Variants in LPL observed in about 807,000 individuals in gnomAD.
The protein encoded by LPL is lipoprotein lipase, also known as phospholipase A1.
LPL carries 43 observed loss-of-function variants against 52.2 expected under a neutral mutation model. The observed-to-expected ratio is 0.82, with a 90% CI of 0.64 to 1.06. The LOEUF is 1.06. Among genes scored for constraint, LPL ranks in the 50% least tolerant of loss-of-function variants. The pLI is 0.00. For synonymous variants in LPL, 244 were observed against 215.6 expected (o/e 1.13, Z -1.15); for missense variants, 639 against 585.3 (o/e 1.09, Z -0.95).
chr8:19,958,378 C>A (rs1461253900), intron 6 of LPL, among the ~76,000 whole-genome samples: 1 of 152,042 alleles, frequency 6.6e-6, no homozygotes, highest in East Asian at 1.9e-4. Context: ...TGCTGCCTTT[C>A]CTTTTAACCT....
intron 7 of LPL, among the ~76,000 whole-genome samples, chr8:19,960,170 T>A (rs1026591639): frequency 6.6e-6 from 1 of 152,156 alleles, no homozygotes; most frequent in African/African-American, 2.4e-5. Flanking sequence ...TCTTTAAAAA[T>A]AGCCAGTGCA....
intron 7 of LPL, among the ~76,000 whole-genome samples, chr8:19,959,635 TG>T (rs1436208809): frequency 6.6e-6 from 1 of 152,132 alleles, no homozygotes; most frequent in African/African-American, 2.4e-5. Context: ...ATAAAGCTGC[TG>T]TTAAACAATA....
intron 9 of LPL, among the ~76,000 whole-genome samples, chr8:19,965,107 A>C (rs561113239): frequency 6.6e-6 from 1 of 152,288 alleles, no homozygotes; most frequent in Non-Finnish European, 1.5e-5. Flanking sequence ...ACGGGGCTAA[A>C]TAGTTGCTCC....
Position 19,965,721 on chromosome 8 carries a change from TTACTC to T in LPL, c.*414_*418del, listed in dbSNP as rs374509929. ...TTTCGGACTGAGGCCTTCTCAAACT[TTACTC>T]TAAGTCTCCAAGAATACAGAAAATG... is the stretch of plus-strand genomic sequence containing the variant. On this transcript the variant is annotated 3_prime_UTR_variant, in exon 10 of 10. Transcript: ENST00000650287. 232 of 170,072 alleles carry T rather than the reference TTACTC, an allele frequency of 1.4e-3. 2 individuals are homozygous for T. The highest frequency in any genetic ancestry group is 0.011 in the East Asian group (69 of 6,408). 10.5% of individuals were successfully genotyped at this position (170,072 alleles called of 1,614,324 possible).
At position 19,953,317 on chromosome 8, in the gene LPL, T is replaced by C; in HGVS notation, c.437T>C (p.Phe146Ser). Residue 146 changes from phenylalanine (F) to serine (S), a missense_variant, in exon 4 of 10, where the codon TTT becomes TCT. Phe to Ser is a radical substitution (Grantham distance 155). Transcript: ENST00000650287. ...TTTCTTTTTCTTCCAAAGGAGGAGT[T>C]TAACTACCCTCTGGACAATGTCCAT... is the stretch of plus-strand genomic sequence containing the variant. ...ARFINWMEEEFNYPLDNVHLL... is the reference protein window; with the variant it reads ...ARFINWMEEESNYPLDNVHLL... 1 of 1,609,434 alleles carries C rather than the reference T, an allele frequency of 6.2e-7. No individual in the cohort carries two copies. Among genetic ancestry groups the C allele is most frequent in the Non-Finnish European group, 8.5e-7 (1 of 1,175,672 alleles).
chr8:19,941,853 A>C (rs536152808), intron 1 of LPL, among the ~76,000 whole-genome samples: 2 of 152,230 alleles, frequency 1.3e-5, no homozygotes, highest in African/African-American at 4.8e-5. Flanking sequence ...TATGAGGACA[A>C]GAGGCACTGT....
chr8:19,945,948 G>A (rs2069878847), intron 1 of LPL, among the ~76,000 whole-genome samples: 1 of 152,100 alleles, frequency 6.6e-6, no homozygotes, highest in Admixed American at 6.6e-5. Context: ...TGTGGGAGAG[G>A]GTGAAATTAG....
At chr8:19,958,051 G>A (rs573682880) in intron 6 of LPL, among the ~76,000 whole-genome samples, 7 of 148,054 alleles carry the variant, frequency 4.7e-5, no homozygotes, top group East Asian at 2.0e-4. Flanking sequence ...ACACAGTCTC[G>A]CTCAGTTACC....
At chr8:19,961,622 T>A (rs1221777105) in intron 8 of LPL, among the ~76,000 whole-genome samples, 5 of 152,068 alleles carry the variant, frequency 3.3e-5, no homozygotes, top group East Asian at 1.9e-4. Flanking sequence ...ATTGTTAATT[T>A]AAAAAAACTC....
At chr8:19,957,660 T>C (rs2069998698) in intron 6 of LPL, among the ~76,000 whole-genome samples, 1 of 152,206 alleles carries the variant, frequency 6.6e-6, no homozygotes, top group Non-Finnish European at 1.5e-5. Context: ...CTCAATTCAA[T>C]GTCTCTTCAT....
chr8:19,939,727 AGCGGCG>A lies in LPL; in HGVS notation c.88+203_88+208del, dbSNP rs2069814222. 6.6e-6 allele frequency among the ~76,000 whole-genome samples: 1 copy of A among 152,148 alleles called. No homozygotes were observed. Among genetic ancestry groups the A allele is most frequent in the Admixed American group, 6.5e-5 (1 of 15,286 alleles). ...GGAGGGAATCTCCTCCCGATCGTGAAGCGGCGGCGCCCAGTTCCCGCTTTTTCTCTC... is the reference window on the plus strand; with the variant it reads ...GGAGGGAATCTCCTCCCGATCGTGAAGCGCCCAGTTCCCGCTTTTTCTCTC... On this transcript the variant is annotated intron_variant, in intron 1 of 9. Transcript: ENST00000650287. This position sits in a 1 kb window ranked among gnomAD's most constrained non-coding sequence, Gnocchi z 4.0.
intron 2 of LPL, 51 bp from the exon 3 acceptor site, chr8:19,951,718 A>C: frequency 6.2e-7 from 1 of 1,600,476 alleles, no homozygotes; most frequent in South Asian, 1.1e-5. Flanking sequence ...TGATGTATCT[A>C]TGACAAGTGG....
intron 1 of LPL, among the ~76,000 whole-genome samples, chr8:19,941,575 T>G (rs570228365): frequency 2.1e-4 from 32 of 152,214 alleles, no homozygotes; most frequent in African/African-American, 7.2e-4. Flanking sequence ...AACACATGCT[T>G]TTCCTAGCTG....
Position 19,967,069 on chromosome 8 carries a change from G to A in LPL, c.*1759G>A, listed in dbSNP as rs1468821549. 3 of 152,580 alleles carry A rather than the reference G, an allele frequency of 2.0e-5. No individual in the cohort carries two copies. The highest frequency in any genetic ancestry group is 2.9e-5 in the Non-Finnish European group (2 of 68,038). The allele number at this position is 152,580 out of a possible 1,614,324, so 9.5% of individuals were successfully genotyped here. A position where few individuals can be genotyped will look rare whatever the true frequency, so the allele number is the denominator to read the frequency against. On this transcript the variant is annotated 3_prime_UTR_variant, in exon 10 of 10. Coordinates refer to ENST00000650287, the MANE Select transcript of LPL (RefSeq NM_000237.3). ...TGTGTAAATGGAGCTTGTACATATT[G>A]GAAAGGTCATTGTGGCTATCTGCAT...
In LPL at chr8:19,966,049, T is replaced by C. The variant is rs2070086286; in HGVS notation, c.*739T>C. 6.6e-6 allele frequency: 1 copy of C among 152,126 alleles called. No individual in the cohort carries two copies. The highest frequency in any genetic ancestry group is 1.5e-5 in the Non-Finnish European group (1 of 68,030). 9.4% of individuals were successfully genotyped at this position (152,126 alleles called of 1,614,324 possible). A position where few individuals can be genotyped will look rare whatever the true frequency, so the allele number is the denominator to read the frequency against. Reference sequence around the variant, plus strand: ...CTTCTTTTTTGTCTCAAGATTATATTATAATAATGTTCTCTGGGTAGGTGT... The same window carrying C: ...CTTCTTTTTTGTCTCAAGATTATATCATAATAATGTTCTCTGGGTAGGTGT... On this transcript the variant is annotated 3_prime_UTR_variant, in exon 10 of 10. Coordinates refer to ENST00000650287, the MANE Select transcript of LPL (RefSeq NM_000237.3).
intron 2 of LPL, 167 bp from the exon 3 acceptor site, chr8:19,951,602 G>T: frequency 1.3e-6 from 1 of 797,866 alleles, no homozygotes; most frequent in Non-Finnish European, 2.2e-6. Flanking sequence ...TGCCTTGGAA[G>T]GGACAGACCT....
chr8:19,945,031 C>T (rs1490249257), intron 1 of LPL, among the ~76,000 whole-genome samples: 1 of 152,048 alleles, frequency 6.6e-6, no homozygotes, highest in East Asian at 1.9e-4. Flanking sequence ...TACTCCTCTT[C>T]TTTCTCAATT....
chr8:19,939,344 G>T lies in LPL; in HGVS notation c.-97G>T. The stretch of plus-strand genomic sequence containing the variant: ...TCCCCTTTAAAGGGCGACTTGCTCA[G>T]CGCCAAACCGCGGCTCCAGCCCTCT... On this transcript the variant is annotated 5_prime_UTR_variant, in exon 1 of 10. Transcript: ENST00000650287. The surrounding 1 kb of genome is among the most constrained non-coding windows in gnomAD (Gnocchi z 4.0). 8.3e-7 allele frequency: 1 copy of T among 1,209,266 alleles called. No individual in the cohort carries two copies. Among genetic ancestry groups the T allele is most frequent in the Non-Finnish European group, 1.2e-6 (1 of 845,066 alleles). The allele number at this position is 1,209,266 out of a possible 1,614,324, so 74.9% of individuals were successfully genotyped here.
intron 1 of LPL, among the ~76,000 whole-genome samples, chr8:19,942,022 G>A (rs2069845453): frequency 6.6e-6 from 1 of 152,174 alleles, no homozygotes; most frequent in South Asian, 2.1e-4. Context: ...AGTTGAACAT[G>A]ATGGCAAAGG....
Sources: allele counts gnomAD v4.1 joint callset (sites outside exome capture counted in the v4.1 genomes callset), GRCh38; gene constraint gnomAD v4.1.1; non-coding constraint Gnocchi (gnomAD v3.1); transcripts MANE v1.5; gene names NCBI Gene and HGNC (gene_info 2026-07-23, HGNC 2026-07-21).